The following ZFP91 variants were observed in gnomAD, a reference collection of about 807,000 sequenced individuals.
ZFP91 encodes ZFP91 zinc finger protein, atypical E3 ubiquitin ligase, also known as E3 ubiquitin-protein ligase ZFP91.
Under a neutral mutation model 63.5 loss-of-function variants are expected in ZFP91, and 7 were observed. The observed-to-expected ratio is 0.11, with a 90% CI of 0.06 to 0.21. ZFP91 has a LOEUF of 0.21. Ranked by LOEUF, ZFP91 falls within the 10% of genes least tolerant of loss-of-function variation. ZFP91 has a pLI of 1.00. For synonymous variants in ZFP91, 330 were observed against 272.1 expected (o/e 1.21, Z -2.10); for missense variants, 628 against 736.6 (o/e 0.85, Z 1.71).
chr11:58,611,331 T>A (rs1157908240), intron 5 of ZFP91: 3 of 493,034 alleles, frequency 6.1e-6, no homozygotes, highest in Non-Finnish European at 3.5e-6. Flanking sequence ...ATACTTAGAA[T>A]TTTTTAACTA....
At chr11:58,581,036 C>T (rs1274811631) in intron 1 of ZFP91, among the ~76,000 whole-genome samples, 2 of 152,134 alleles carry the variant, frequency 1.3e-5, no homozygotes, top group Non-Finnish European at 2.9e-5. Flanking sequence ...AGTTTCCTTA[C>T]CTATAGAGGA....
Position 58,579,552 on chromosome 11 carries a change from G to C in ZFP91, c.271G>C (p.Val91Leu). 2 of 1,582,694 alleles carry C rather than the reference G, an allele frequency of 1.3e-6. No individual in the cohort carries two copies. The highest frequency in any genetic ancestry group is 1.7e-6 in the Non-Finnish European group (2 of 1,168,302). Reference sequence around the variant, plus strand: ...CAGCCCCAGCGCCAGGCCTCCCGACGTCCCCGGGCAGCAGCCCCAGGCCGC... The same window carrying C: ...CAGCCCCAGCGCCAGGCCTCCCGACCTCCCCGGGCAGCAGCCCCAGGCCGC... The part of the protein sequence containing the change: ...RSSPSARPPD[V>L]PGQQPQAAKS... Residue 91 changes from valine to leucine, a missense_variant, in exon 1 of 11, where the codon GTC (valine) becomes CTC (leucine). Transcript: ENST00000316059.
intron 8 of ZFP91, among the ~76,000 whole-genome samples, chr11:58,613,046 A>G (rs1855692849): frequency 6.6e-6 from 1 of 152,206 alleles, no homozygotes; most frequent in Admixed American, 6.5e-5. Flanking sequence ...AGTTATTTAT[A>G]TCCTACTGTT....
chr11:58,617,867 C>A lies in ZFP91; in HGVS notation c.*161C>A. 2 of 904,938 alleles carry A rather than the reference C, an allele frequency of 2.2e-6. No homozygotes were observed. The highest frequency in any genetic ancestry group is 8.9e-5 in the South Asian group (2 of 22,438). The allele number at this position is 904,938 out of a possible 1,614,324, so 56.1% of individuals were successfully genotyped here. ...ACACACATACATACACCCTCCACCTCCCCATCCCCTGTTCTCCCTCTGTTG... is the reference window on the plus strand; with the variant it reads ...ACACACATACATACACCCTCCACCTACCCATCCCCTGTTCTCCCTCTGTTG... On this transcript the variant is annotated 3_prime_UTR_variant, in exon 11 of 11. Transcript: ENST00000316059. This position sits in a 1 kb window ranked among gnomAD's most constrained non-coding sequence, Gnocchi z 4.2.
intron 2 of ZFP91, among the ~76,000 whole-genome samples, chr11:58,596,863 C>A (rs1247786393): frequency 6.6e-6 from 1 of 152,152 alleles, no homozygotes; most frequent in African/African-American, 2.4e-5. Flanking sequence ...TCCTGACTTT[C>A]ATGATGTTCT....
intron 2 of ZFP91, among the ~76,000 whole-genome samples, chr11:58,595,425 T>C (rs1855380677): frequency 6.6e-6 from 1 of 152,160 alleles, no homozygotes; most frequent in African/African-American, 2.4e-5. Flanking sequence ...AAGTATTTTA[T>C]CATGACCAAG....
intron 1 of ZFP91, among the ~76,000 whole-genome samples, chr11:58,579,969 C>T (rs1358951745): frequency 2.0e-5 from 3 of 152,168 alleles, no homozygotes; most frequent in South Asian, 2.1e-4. Context: ...TTCCTTTAGG[C>T]GGCTCTCCAG....
intron 8 of ZFP91, among the ~76,000 whole-genome samples, chr11:58,613,297 A>G (rs1301662275): frequency 1.3e-5 from 2 of 152,208 alleles, no homozygotes; most frequent in African/African-American, 4.8e-5. Context: ...AAGGGCAAGA[A>G]TGGGTTGAAC....
At chr11:58,584,264 T>G (rs921950140) in intron 1 of ZFP91, among the ~76,000 whole-genome samples, 1 of 152,206 alleles carries the variant, frequency 6.6e-6, no homozygotes, top group East Asian at 1.9e-4. Flanking sequence ...AATTTTAGGG[T>G]CTTTTTAACA....
chr11:58,600,472 T>C (rs1855475381), intron 2 of ZFP91, among the ~76,000 whole-genome samples: 1 of 152,154 alleles, frequency 6.6e-6, no homozygotes, highest in African/African-American at 2.4e-5. Flanking sequence ...TCATTGCTAA[T>C]ATGCTTAAAA....
At chr11:58,601,556 C>G (rs181992360) in intron 2 of ZFP91, among the ~76,000 whole-genome samples, 124 of 150,340 alleles carry the variant, frequency 8.2e-4, no homozygotes, top group Non-Finnish European at 1.7e-3. Context: ...TACTCTGCTC[C>G]TTTTTTCCTA....
chr11:58,584,744 C>T (rs928518694), intron 1 of ZFP91, 112 bp from the exon 2 acceptor site: 51 of 946,508 alleles, frequency 5.4e-5, no homozygotes, highest in Middle Eastern at 3.0e-4. Flanking sequence ...TGTAGGACAA[C>T]ACTAGTCTAG....
In ZFP91 at chr11:58,598,749, C is replaced by CGTGTGTGT. The variant is rs56110499; in HGVS notation, c.371-11050_371-11043dup. On this transcript the variant is annotated intron_variant, in intron 2 of 10. Transcript: ENST00000316059. The stretch of plus-strand genomic sequence containing the variant: ...AGAAACCTGGCAATACTTTTGTGCA[C>CGTGTGTGT]GTGTGTGTGTGTGTGTGTGTGTGTG... 8.4e-3 allele frequency among the ~76,000 whole-genome samples: 1,015 copies of CGTGTGTGT among 120,886 alleles called. 10 individuals carry two copies. The highest frequency in any genetic ancestry group is 0.026 in the African/African-American group (971 of 37,946). 79.3% of individuals were successfully genotyped at this position (120,886 alleles called of 152,430 possible). A position where few individuals can be genotyped will look rare whatever the true frequency, so the allele number is the denominator to read the frequency against.
At chr11:58,600,739 TA>T (rs1855479108) in intron 2 of ZFP91, among the ~76,000 whole-genome samples, 1 of 152,176 alleles carries the variant, frequency 6.6e-6, no homozygotes, top group African/African-American at 2.4e-5. Context: ...TTCCTGACCT[TA>T]GCAGGAGAGC....
chr11:58,598,245 A>G (rs1855435418), intron 2 of ZFP91, among the ~76,000 whole-genome samples: 1 of 152,046 alleles, frequency 6.6e-6, no homozygotes, highest in South Asian at 2.1e-4. Flanking sequence ...TTAACTTTTT[A>G]TATTTGTGTA....
intron 2 of ZFP91, among the ~76,000 whole-genome samples, chr11:58,595,210 G>A (rs989344768): frequency 6.6e-6 from 1 of 152,132 alleles, no homozygotes; most frequent in South Asian, 2.1e-4. Flanking sequence ...GGTTATAACT[G>A]ATTTTTGAGA....
At position 58,617,098 on chromosome 11, in the gene ZFP91, G is replaced by GTATGTATA. The variant is rs1855762448; in HGVS notation, c.1203-94_1203-87dup. 6 of 987,402 alleles carry GTATGTATA rather than the reference G, an allele frequency of 6.1e-6. No homozygotes were observed. Among genetic ancestry groups the GTATGTATA allele is most frequent in the Middle Eastern group, 3.4e-4 (1 of 2,972 alleles). The allele number at this position is 987,402 out of a possible 1,614,324, so 61.2% of individuals were successfully genotyped here. ...TGTGTGTGTGTGTGTGTGTGTGTGT[G>GTATGTATA]TATGTATATATATGCTCTAAACTCT... On this transcript the variant is annotated intron_variant, in intron 10 of 10. Transcript: ENST00000316059. The surrounding 1 kb of genome is among the most constrained non-coding windows in gnomAD (Gnocchi z 4.2).
In ZFP91 at chr11:58,620,214, A is replaced by G. The variant is rs1162657712; in HGVS notation, c.*2508A>G. On this transcript the variant is annotated 3_prime_UTR_variant, in exon 11 of 11. Coordinates refer to ENST00000316059, the MANE Select transcript of ZFP91 (RefSeq NM_053023.5). ...TTTGCAATACTAAAATATTTTTTATAGACTTTATATTTTTCCTTTTGATAA... is the reference window on the plus strand; with the variant it reads ...TTTGCAATACTAAAATATTTTTTATGGACTTTATATTTTTCCTTTTGATAA... 6.6e-6 allele frequency: 1 copy of G among 152,174 alleles called. No homozygotes were observed. The highest frequency in any genetic ancestry group is 2.4e-5 in the African/African-American group (1 of 41,454). 9.4% of individuals were successfully genotyped at this position (152,174 alleles called of 1,614,324 possible). A position where few individuals can be genotyped will look rare whatever the true frequency, so the allele number is the denominator to read the frequency against.
chr11:58,617,070 T>C lies in ZFP91; in HGVS notation c.1203-126T>C, dbSNP rs375930723. On this transcript the variant is annotated intron_variant, in intron 10 of 10. Coordinates refer to ENST00000316059, the MANE Select transcript of ZFP91 (RefSeq NM_053023.5). The surrounding 1 kb of genome is among the most constrained non-coding windows in gnomAD (Gnocchi z 4.2). Reference sequence around the variant, plus strand: ...TTCAAAAGAAGTATGTTACTGATTATTGTGTGTGTGTGTGTGTGTGTGTGT... The same window carrying C: ...TTCAAAAGAAGTATGTTACTGATTACTGTGTGTGTGTGTGTGTGTGTGTGT... The C allele has an allele frequency of 1.5e-6, 1 of 672,138 alleles. No homozygotes were observed. Among genetic ancestry groups the C allele is most frequent in the Non-Finnish European group, 2.3e-6 (1 of 429,034 alleles). The allele number at this position is 672,138 out of a possible 1,614,324, so 41.6% of individuals were successfully genotyped here.
Sources: allele counts gnomAD v4.1 joint callset (sites outside exome capture counted in the v4.1 genomes callset), GRCh38; gene constraint gnomAD v4.1.1; non-coding constraint Gnocchi (gnomAD v3.1); transcripts MANE v1.5; gene names NCBI Gene and HGNC (gene_info 2026-07-23, HGNC 2026-07-21).